Variants in F8 observed in about 807,000 individuals in gnomAD.
F8 encodes the protein coagulation factor VIII.
F8 carries 12 observed loss-of-function variants against 140.6 expected under a neutral mutation model. The observed-to-expected ratio is 0.09, with a 90% CI of 0.05 to 0.14. The LOEUF is 0.14. F8 is among the 10% of genes least tolerant of loss of function. F8 has a pLI of 1.00. For synonymous variants in F8, 585 were observed against 614.6 expected (o/e 0.95, Z 0.71); for missense variants, 1,354 against 1,720.7 (o/e 0.79, Z 3.77).
intron 14 of F8, 81 bp from the exon 15 acceptor site, chrX:154,906,654 T>G: frequency 1.0e-6 from 1 of 955,295 alleles, no homozygotes; most frequent in African/African-American, 1.9e-5. Flanking sequence ...TTTTCCTAGG[T>G]GCCTGAGAAG....
intron 6 of F8, among the ~76,000 whole-genome samples, chrX:154,983,030 T>C (rs1557283883): frequency 8.9e-6 from 1 of 112,286 alleles, no homozygotes; most frequent in East Asian, 2.8e-4. Context: ...ACATGGATTT[T>C]TGACTGTGCA....
chrX:154,866,121 G>T (rs782316962), intron 22 of F8, among the ~76,000 whole-genome samples: 2 of 111,638 alleles, frequency 1.8e-5, no homozygotes, highest in African/African-American at 6.5e-5. Context: ...AGAAAAAATA[G>T]TCTTTAAGTA....
chrX:154,847,368 C>A (rs1236784908), intron 25 of F8, among the ~76,000 whole-genome samples: 5 of 111,956 alleles, frequency 4.5e-5, no homozygotes, highest in African/African-American at 1.3e-4. Context: ...GGATAATATC[C>A]TGCAGAGTGT....
At chrX:154,875,770 T>TA (rs1226739671) in intron 22 of F8, among the ~76,000 whole-genome samples, 17 of 106,595 alleles carry the variant, frequency 1.6e-4, no homozygotes, top group Admixed American at 5.0e-4. Flanking sequence ...TGTGTGTGTG[T>TA]GTGTAGAGAG....
intron 25 of F8, among the ~76,000 whole-genome samples, chrX:154,846,265 T>C (rs2072565277): frequency 8.9e-6 from 1 of 112,014 alleles, no homozygotes; most frequent in Non-Finnish European, 1.9e-5. Context: ...TTCTGTTGAT[T>C]TGGGATGGAG....
intron 12 of F8, among the ~76,000 whole-genome samples, chrX:154,950,309 T>C (rs148439175): frequency 0.067 from 7,533 of 111,834 alleles, 604 homozygotes; most frequent in African/African-American, 0.23. Context: ...GATGTTTGGA[T>C]TTCCTGACCA....
At chrX:154,944,721 G>T (rs1159452260) in intron 13 of F8, among the ~76,000 whole-genome samples, 1 of 111,479 alleles carries the variant, frequency 9.0e-6, no homozygotes, top group African/African-American at 3.3e-5. Context: ...ACATGCACAC[G>T]TATGTTTATA....
At chrX:154,991,385 T>C (rs1227376671) in intron 4 of F8, among the ~76,000 whole-genome samples, 1 of 112,523 alleles carries the variant, frequency 8.9e-6, no homozygotes, top group Non-Finnish European at 1.9e-5. Flanking sequence ...AGTTTGGTAA[T>C]ACTTTCAATT....
intron 22 of F8, chrX:154,886,171 G>C: frequency 1.3e-6 from 1 of 751,553 alleles, no homozygotes. Context: ...CGAGACCCTC[G>C]ATTTGCATAC....
chrX:155,011,211 A>T (rs782077719), intron 1 of F8, among the ~76,000 whole-genome samples: 2 of 112,353 alleles, frequency 1.8e-5, no homozygotes, highest in East Asian at 5.5e-4. Context: ...CTCAGTACTA[A>T]AAAACAAATA....
intron 22 of F8, among the ~76,000 whole-genome samples, chrX:154,866,716 AT>A (rs2072733580): frequency 9.0e-6 from 1 of 111,339 alleles, no homozygotes; most frequent in Non-Finnish European, 1.9e-5. Flanking sequence ...AGGGAAATTT[AT>A]AGCAATAAAT....
At chrX:154,916,891 T>C (rs1449604262) in intron 14 of F8, among the ~76,000 whole-genome samples, 2 of 111,075 alleles carry the variant, frequency 1.8e-5, no homozygotes, top group African/African-American at 3.3e-5. Flanking sequence ...CCAGGTTTAT[T>C]TGAGTCTTTC....
chrX:155,006,018 A>G (rs782594716), intron 1 of F8, among the ~76,000 whole-genome samples: 2 of 112,113 alleles, frequency 1.8e-5, no homozygotes, highest in Admixed American at 1.9e-4. Flanking sequence ...TGCATGCAAG[A>G]AAAAAAAGAG....
chrX:154,992,759 T>C (rs998097623), intron 4 of F8, among the ~76,000 whole-genome samples, 177 bp downstream of exon 4: 3 of 112,849 alleles, frequency 2.7e-5, no homozygotes, highest in Admixed American at 9.3e-5. Context: ...TGTGGTTATA[T>C]AGAATGCATA....
intron 6 of F8, among the ~76,000 whole-genome samples, chrX:154,979,859 G>A (rs1312901006): frequency 9.9e-5 from 11 of 111,564 alleles, no homozygotes; most frequent in African/African-American, 3.6e-4. Flanking sequence ...GCTCTCTGTT[G>A]CAATGCCTTC....
intron 6 of F8, among the ~76,000 whole-genome samples, chrX:154,980,683 G>A (rs1429086938): frequency 8.0e-5 from 9 of 112,060 alleles, no homozygotes; most frequent in African/African-American, 2.9e-4. Context: ...GTGGGGCTGA[G>A]TGTGGTGGCT....
intron 1 of F8, among the ~76,000 whole-genome samples, chrX:155,013,070 C>T (rs782696994): frequency 9.5e-5 from 9 of 95,168 alleles, no homozygotes; most frequent in African/African-American, 2.9e-4. Context: ...GGCGTGAACC[C>T]GGGAGGCGGA....
chrX:154,903,297 A>G (rs2073019276), intron 18 of F8, among the ~76,000 whole-genome samples: 1 of 110,378 alleles, frequency 9.1e-6, no homozygotes, highest in African/African-American at 3.3e-5. Context: ...CACTTCAGCC[A>G]CCCAAGTAGG....
At chrX:154,994,817 G>A (rs924051237) in intron 3 of F8, among the ~76,000 whole-genome samples, 65 of 111,440 alleles carry the variant, frequency 5.8e-4, no homozygotes, top group African/African-American at 2.1e-3. Context: ...TTATTTTGGC[G>A]CCATACAAAT....
Sources: allele counts gnomAD v4.1 joint callset (sites outside exome capture counted in the v4.1 genomes callset), GRCh38; gene constraint gnomAD v4.1.1; transcripts MANE v1.5; gene names NCBI Gene and HGNC (gene_info 2026-07-23, HGNC 2026-07-21).